The following ACVR1B variants were observed in gnomAD, a reference collection of about 807,000 sequenced individuals.
ACVR1B encodes activin A receptor type 1B, also known as activin receptor type-1B.
ACVR1B carries 15 observed loss-of-function variants against 55.6 expected under a neutral mutation model. That is an observed-to-expected ratio of 0.27 (90% CI 0.18 to 0.42). ACVR1B has a LOEUF of 0.42. Ranked by LOEUF, ACVR1B falls within the 10% of genes least tolerant of loss-of-function variation. The probability of loss-of-function intolerance (pLI) is 1.00; values close to 1 mark genes in which losing one functional copy is unlikely to be tolerated. For synonymous variants in ACVR1B, 247 were observed against 254.6 expected, an observed-to-expected ratio of 0.97 and a Z score of 0.28; for missense variants, 359 against 670.1, an observed-to-expected ratio of 0.54 and a Z score of 5.13.
chr12:51,987,104 C>T lies in ACVR1B; in HGVS notation c.1261+162C>T, dbSNP rs1942094284. 4 of 941,768 alleles carry T rather than the reference C, an allele frequency of 4.2e-6. No homozygotes were observed. The East Asian group carries it at 1.0e-4, about 24-fold the overall frequency. 58.3% of individuals were successfully genotyped at this position (941,768 alleles called of 1,614,324 possible). Reference sequence around the variant, plus strand: ...CATCAAAGGTGTGGAGGTAGCTGTGCTTAGGGTGCGTTTATTCTTCAGGGA... The same window carrying T: ...CATCAAAGGTGTGGAGGTAGCTGTGTTTAGGGTGCGTTTATTCTTCAGGGA... On this transcript the variant is annotated intron_variant, in intron 7 of 8. Coordinates refer to ENST00000257963, the MANE Select transcript of ACVR1B (RefSeq NM_004302.5).
intron 1 of ACVR1B, 137 bp downstream of exon 1, chr12:51,951,971 C>A: frequency 2.3e-6 from 1 of 443,506 alleles, no homozygotes; most frequent in Non-Finnish European, 3.6e-6. Flanking sequence ...GCAGAGGAGT[C>A]GGGGTGACCC....
chr12:51,990,307 T>C, intron 7 of ACVR1B, among the ~76,000 whole-genome samples: 1 of 132,850 alleles, frequency 7.5e-6, no homozygotes, highest in East Asian at 2.2e-4. Context: ...CACACAAATT[T>C]AGTGCTTTTT....
intron 8 of ACVR1B, 178 bp downstream of exon 8, chr12:51,992,171 AC>A (rs1230724703): frequency 2.5e-6 from 2 of 797,992 alleles, no homozygotes; most frequent in African/African-American, 3.5e-5. Context: ...CTTGTCCTGG[AC>A]CCTGTAGGGT....
rs989111267 is a variant in ACVR1B at position 51,994,252 on chromosome 12, G to A, written c.*142G>A. ...CTGGCCCGCAAGAGGGACAGAGCCC[G>A]GGAGAGACTCGCTCACTCCCATGTT... is the stretch of plus-strand genomic sequence containing the variant. On this transcript the variant is annotated 3_prime_UTR_variant, in exon 9 of 9. Transcript: ENST00000257963. The surrounding 1 kb of genome is among the most constrained non-coding windows in gnomAD (Gnocchi z 4.2). 7.4e-6 allele frequency: 9 copies of A among 1,212,390 alleles called. No individual in the cohort carries two copies. Among genetic ancestry groups the A allele is most frequent in the South Asian group, 1.5e-5 (1 of 68,744 alleles). The allele number at this position is 1,212,390 out of a possible 1,614,324, so 75.1% of individuals were successfully genotyped here. A position where few individuals can be genotyped will look rare whatever the true frequency, so the allele number is the denominator to read the frequency against.
chr12:51,962,855 T>C (rs982096263), intron 1 of ACVR1B, among the ~76,000 whole-genome samples: 2 of 152,138 alleles, frequency 1.3e-5, no homozygotes, highest in African/African-American at 2.4e-5. Flanking sequence ...GCCCCTGAAA[T>C]TATTAGGCTG....
At chr12:51,990,065 G>A (rs1370767820) in intron 7 of ACVR1B, among the ~76,000 whole-genome samples, 2 of 152,014 alleles carry the variant, frequency 1.3e-5, no homozygotes, top group South Asian at 2.1e-4. Flanking sequence ...AGGCTGAGGC[G>A]GGCAGATCAC....
intron 1 of ACVR1B, among the ~76,000 whole-genome samples, chr12:51,972,613 G>C (rs1941768304): frequency 6.6e-6 from 1 of 152,188 alleles, no homozygotes; most frequent in African/African-American, 2.4e-5. Context: ...ACGGGTGCGA[G>C]AAGGTTAATA....
chr12:51,973,144 G>T (rs957583581), intron 1 of ACVR1B, among the ~76,000 whole-genome samples: 3 of 152,206 alleles, frequency 2.0e-5, no homozygotes, highest in Non-Finnish European at 4.4e-5. Flanking sequence ...GTGAACTAAC[G>T]AAATAAGCAT....
At chr12:51,970,745 C>T (rs1302255757) in intron 1 of ACVR1B, among the ~76,000 whole-genome samples, 3 of 152,058 alleles carry the variant, frequency 2.0e-5, no homozygotes, top group South Asian at 2.1e-4. Flanking sequence ...CATAAAATCA[C>T]GAAGAGTAAG....
chr12:51,951,860 G>A, intron 1 of ACVR1B, 26 bp downstream of exon 1: 1 of 1,243,800 alleles, frequency 8.0e-7, no homozygotes, highest in Non-Finnish European at 1.0e-6. Context: ...GGGGGCGGGG[G>A]CCGGGATGGA....
In ACVR1B at chr12:51,995,847, G is replaced by T. The variant is rs2120786029; in HGVS notation, c.*1737G>T. On this transcript the variant is annotated 3_prime_UTR_variant, in exon 9 of 9. Transcript: ENST00000257963. ...GTCCCCACCCCCAATTCCTTGAGTGGTTTTTGCTCTAGGGCCCTTTCTTGC... is the reference window on the plus strand; with the variant it reads ...GTCCCCACCCCCAATTCCTTGAGTGTTTTTTGCTCTAGGGCCCTTTCTTGC... The T allele has an allele frequency of 6.5e-6, 1 of 152,738 alleles. No homozygotes were observed. The highest frequency in any genetic ancestry group is 1.5e-5 in the Non-Finnish European group (1 of 68,070). 9.5% of individuals were successfully genotyped at this position (152,738 alleles called of 1,614,324 possible). A position where few individuals can be genotyped will look rare whatever the true frequency, so the allele number is the denominator to read the frequency against.
intron 1 of ACVR1B, among the ~76,000 whole-genome samples, chr12:51,957,261 C>T (rs900365105): frequency 6.6e-6 from 1 of 151,692 alleles, no homozygotes; most frequent in Non-Finnish European, 1.5e-5. Flanking sequence ...GCCTGACAAA[C>T]ATGCTGAAAC....
At chr12:51,958,663 A>G (rs574444847) in intron 1 of ACVR1B, among the ~76,000 whole-genome samples, 1 of 152,104 alleles carries the variant, frequency 6.6e-6, no homozygotes, top group Non-Finnish European at 1.5e-5. Context: ...AAAAAAAGAA[A>G]AGAAAGATCA....
At chr12:51,965,961 G>GC (rs1274400080) in intron 1 of ACVR1B, among the ~76,000 whole-genome samples, 1 of 152,158 alleles carries the variant, frequency 6.6e-6, no homozygotes, top group East Asian at 1.9e-4. Context: ...ATGTGTGTGT[G>GC]CCAGAATCTG....
At chr12:51,954,417 G>A (rs942665667) in intron 1 of ACVR1B, among the ~76,000 whole-genome samples, 4 of 152,208 alleles carry the variant, frequency 2.6e-5, no homozygotes, top group African/African-American at 9.6e-5. Flanking sequence ...AGCAACAAGA[G>A]AGATATTTGA....
At chr12:51,960,413 T>G (rs1042313488) in intron 1 of ACVR1B, among the ~76,000 whole-genome samples, 4 of 151,986 alleles carry the variant, frequency 2.6e-5, no homozygotes, top group Non-Finnish European at 5.9e-5. Flanking sequence ...CAGAGTGAGA[T>G]CCTGTCTCAA....
chr12:51,982,804 A>G (rs1181001978), intron 4 of ACVR1B: 3 of 1,522,480 alleles, frequency 2.0e-6, no homozygotes, highest in South Asian at 1.2e-5. Context: ...TTTTATTCCC[A>G]CTGAGTAAGC....
Position 51,984,135 on chromosome 12 carries a change from A to C in ACVR1B, c.948A>C (p.Ala316=). 2 of 1,614,224 alleles carry C rather than the reference A, an allele frequency of 1.2e-6. No individual in the cohort carries two copies. The highest frequency in any genetic ancestry group is 1.7e-6 in the Non-Finnish European group (2 of 1,180,042). ...KLALSAASGL[A]HLHMEIVGTQ... ...CCTTGTCTGCTGCTAGTGGGCTGGC[A>C]CACCTGCACATGGAGATCGTGGGCA... The change falls in exon 5 of 9, where the codon GCA becomes GCC. Residue 316 remains alanine (A), a synonymous_variant. Transcript: ENST00000257963.
At chr12:51,989,752 G>A (rs545793713) in intron 7 of ACVR1B, among the ~76,000 whole-genome samples, 2 of 152,250 alleles carry the variant, frequency 1.3e-5, no homozygotes, top group South Asian at 2.1e-4. Flanking sequence ...TTTGGAGGCC[G>A]AGGTGGGCTG....
Sources: allele counts gnomAD v4.1 joint callset (sites outside exome capture counted in the v4.1 genomes callset), GRCh38; gene constraint gnomAD v4.1.1; non-coding constraint Gnocchi (gnomAD v3.1); transcripts MANE v1.5; gene names NCBI Gene and HGNC (gene_info 2026-07-23, HGNC 2026-07-21).